Variants in GTF2F2 observed in about 807,000 individuals in gnomAD.
GTF2F2 encodes general transcription factor IIF subunit 2.
A neutral mutation model predicts 42.2 loss-of-function variants in GTF2F2; 23 were observed. The observed-to-expected ratio is 0.55, with a 90% CI of 0.39 to 0.77. The LOEUF is 0.77. Ranked by LOEUF, GTF2F2 falls within the 30% of genes least tolerant of loss-of-function variation. GTF2F2 has a pLI of 0.00. For missense variants in GTF2F2, 261 were observed against 287.2 expected (o/e 0.91, Z 0.66); for synonymous variants, 105 against 100.8 (o/e 1.04, Z -0.25).
Position 45,184,805 on chromosome 13 carries a change from G to C in GTF2F2, c.305-22619G>C, listed in dbSNP as rs114566583. Among the ~76,000 whole-genome samples the C allele has an allele frequency of 1.8e-3, 279 of 152,060 alleles. 3 individuals carry two copies. Among genetic ancestry groups the C allele is most frequent in the African/African-American group, 6.5e-3 (271 of 41,452 alleles). On this transcript the variant is annotated intron_variant, in intron 4 of 7. Transcript: ENST00000340473. ...CCAAATTTGTATATATTTTATACAA[G>C]CACAAGGTTGTTATTTTCTTTGTTT...
chr13:45,157,655 G>A (rs1353913634), intron 4 of GTF2F2, among the ~76,000 whole-genome samples: 1 of 152,002 alleles, frequency 6.6e-6, no homozygotes, highest in East Asian at 1.9e-4. Flanking sequence ...GGGAGAGATG[G>A]GTCTCATCCT....
At chr13:45,155,802 C>T (rs1870728657) in intron 4 of GTF2F2, among the ~76,000 whole-genome samples, 1 of 152,086 alleles carries the variant, frequency 6.6e-6, no homozygotes, top group Admixed American at 6.6e-5. Context: ...CTCGCTTATC[C>T]ATTACCCTTA....
At chr13:45,204,470 A>G (rs139602784) in intron 4 of GTF2F2, among the ~76,000 whole-genome samples, 36 of 152,346 alleles carry the variant, frequency 2.4e-4, no homozygotes, top group African/African-American at 8.4e-4. Context: ...GCTTTAAGTA[A>G]AGGTTTCTAT....
intron 5 of GTF2F2, among the ~76,000 whole-genome samples, chr13:45,216,683 AT>A (rs1348278339): frequency 3.3e-5 from 5 of 151,334 alleles, no homozygotes; most frequent in Non-Finnish European, 4.4e-5. Flanking sequence ...ACGCCTGGCT[AT>A]TTTTTTGCAT....
At chr13:45,134,282 A>T (rs1869505448) in intron 1 of GTF2F2, among the ~76,000 whole-genome samples, 2 of 152,182 alleles carry the variant, frequency 1.3e-5, no homozygotes, top group African/African-American at 4.8e-5. Flanking sequence ...TAGGTCCAAG[A>T]AAGGGCACAC....
intron 7 of GTF2F2, among the ~76,000 whole-genome samples, chr13:45,276,852 TAGAGGAGA>T (rs2138275903): frequency 6.6e-6 from 1 of 152,332 alleles, no homozygotes; most frequent in African/African-American, 2.4e-5. Flanking sequence ...CAGTGCTGGA[TAGAGGAGA>T]TGTTACTAAA....
In GTF2F2 at chr13:45,283,713, G is replaced by A; in HGVS notation, c.*152G>A. The A allele has an allele frequency of 2.1e-6, 1 of 471,440 alleles. No individual in the cohort carries two copies. Among genetic ancestry groups the A allele is most frequent in the Non-Finnish European group, 3.5e-6 (1 of 287,710 alleles). The allele number at this position is 471,440 out of a possible 1,614,324, so 29.2% of individuals were successfully genotyped here. A position where few individuals can be genotyped will look rare whatever the true frequency, so the allele number is the denominator to read the frequency against. ...TAAATTTTTTAAACCTGTAATTCTT[G>A]TAAAGTTTCTTAACTGTTTTTTTGA... On this transcript the variant is annotated 3_prime_UTR_variant, in exon 8 of 8. Coordinates refer to ENST00000340473, the MANE Select transcript of GTF2F2 (RefSeq NM_004128.3).
intron 4 of GTF2F2, among the ~76,000 whole-genome samples, chr13:45,205,439 A>G (rs537402276): frequency 2.4e-4 from 36 of 152,380 alleles, no homozygotes; most frequent in African/African-American, 8.7e-4. Flanking sequence ...GCCAGACCAT[A>G]TCAGTAGCTC....
intron 2 of GTF2F2, among the ~76,000 whole-genome samples, chr13:45,142,773 C>G (rs1260772769): frequency 6.6e-6 from 1 of 152,174 alleles, no homozygotes; most frequent in Non-Finnish European, 1.5e-5. Context: ...ACTTAGTTTT[C>G]ATTGCTGTTA....
chr13:45,253,836 G>C (rs146792554), intron 6 of GTF2F2, among the ~76,000 whole-genome samples: 304 of 152,312 alleles, frequency 2.0e-3, no homozygotes, highest in African/African-American at 7.0e-3. Context: ...AGCACTTTGG[G>C]AGGCCGAGGC....
At chr13:45,134,765 A>G (rs1047445649) in intron 1 of GTF2F2, among the ~76,000 whole-genome samples, 2 of 152,062 alleles carry the variant, frequency 1.3e-5, no homozygotes, top group African/African-American at 4.8e-5. Flanking sequence ...TAGTGAAGAG[A>G]GCAGAAGACC....
chr13:45,262,436 A>AT (rs1254963782), intron 6 of GTF2F2, among the ~76,000 whole-genome samples: 1 of 152,136 alleles, frequency 6.6e-6, no homozygotes, highest in Non-Finnish European at 1.5e-5. Context: ...TAAATCTTTA[A>AT]TTTATTTTTG....
chr13:45,267,285 A>T lies in GTF2F2; in HGVS notation c.539A>T (p.Lys180Ile). 1 of 1,612,660 alleles carries T rather than the reference A, an allele frequency of 6.2e-7. No individual in the cohort carries two copies. Among genetic ancestry groups the T allele is most frequent in the Non-Finnish European group, 8.5e-7 (1 of 1,178,714 alleles). ...KEDGKRARAD[K>I]QHVLDMLFSA... ...GACGGAAAGCGAGCTCGAGCTGATAAACAACATGTTTTAGACATGCTATTT... is the reference window on the plus strand; with the variant it reads ...GACGGAAAGCGAGCTCGAGCTGATATACAACATGTTTTAGACATGCTATTT... The change falls in exon 7 of 8, where the codon AAA (lysine) becomes ATA (isoleucine). Residue 180 changes from lysine to isoleucine, a missense_variant. By Grantham distance (102) the Lys-to-Ile change is moderately radical (BLOSUM62 -3). Coordinates refer to ENST00000340473, the MANE Select transcript of GTF2F2 (RefSeq NM_004128.3).
intron 4 of GTF2F2, among the ~76,000 whole-genome samples, chr13:45,205,638 G>T (rs189940417): frequency 6.6e-6 from 1 of 152,256 alleles, no homozygotes; most frequent in East Asian, 1.9e-4. Context: ...CCTTGCCTCA[G>T]CCTCCTGAGT....
At position 45,142,333 on chromosome 13, in the gene GTF2F2, A is replaced by AT. The variant is rs574703608; in HGVS notation, c.140+5535dup. Reference sequence around the variant, plus strand: ...AGGCGCCTGCCACCATGCCCAGCTAATTTTTTTTATTTTTAGTAGAGACAG... The same window carrying AT: ...AGGCGCCTGCCACCATGCCCAGCTAATTTTTTTTTATTTTTAGTAGAGACAG... On this transcript the variant is annotated intron_variant, in intron 2 of 7. Transcript: ENST00000340473. Among the ~76,000 whole-genome samples the AT allele has an allele frequency of 4.5e-4, 69 of 151,974 alleles. No homozygotes were observed. The East Asian group carries it at 8.3e-3, about 18-fold the overall frequency.
chr13:45,129,780 CAA>C (rs1480949032), intron 1 of GTF2F2, among the ~76,000 whole-genome samples: 1 of 152,082 alleles, frequency 6.6e-6, no homozygotes, highest in Non-Finnish European at 1.5e-5. Context: ...AGACGATAAA[CAA>C]ATACATTTAA....
At position 45,180,333 on chromosome 13, in the gene GTF2F2, G is replaced by A. The variant is rs74068814; in HGVS notation, c.305-27091G>A. ...TCATAGGTGAGCTTTAAAAATATAC[G>A]TAGTTTCTTTTCAGGTCCATTATAG... On this transcript the variant is annotated intron_variant, in intron 4 of 7. Transcript: ENST00000340473. 6.1e-3 allele frequency among the ~76,000 whole-genome samples: 931 copies of A among 152,078 alleles called. 4 individuals carry two copies. Among genetic ancestry groups the A allele is most frequent in the African/African-American group, 0.021 (875 of 41,502 alleles).
intron 4 of GTF2F2, among the ~76,000 whole-genome samples, chr13:45,177,771 G>A (rs1053074563): frequency 5.9e-5 from 9 of 152,024 alleles, no homozygotes; most frequent in African/African-American, 1.7e-4. Flanking sequence ...TAAGATCTAC[G>A]GTAAAAATGA....
intron 2 of GTF2F2, among the ~76,000 whole-genome samples, chr13:45,144,176 C>T (rs762057635): frequency 4.6e-5 from 7 of 151,922 alleles, no homozygotes; most frequent in African/African-American, 7.3e-5. Flanking sequence ...CGCTTGAACC[C>T]GGGGAAGCAG....
Sources: allele counts gnomAD v4.1 joint callset (sites outside exome capture counted in the v4.1 genomes callset), GRCh38; gene constraint gnomAD v4.1.1; transcripts MANE v1.5; gene names NCBI Gene and HGNC (gene_info 2026-07-23, HGNC 2026-07-21).